The following ARHGAP19 variants were observed in gnomAD, a reference collection of about 807,000 sequenced individuals.
ARHGAP19 encodes rho GTPase-activating protein 19.
A neutral mutation model predicts 60.9 loss-of-function variants in ARHGAP19; 48 were observed. The ratio of observed to expected loss-of-function variants is 0.79; its 90% CI spans 0.62 to 1.00. The LOEUF (loss-of-function observed/expected upper bound fraction) is 1.00, where lower values mean the gene tolerates loss of function less well. Among genes scored for constraint, ARHGAP19 ranks in the 50% least tolerant of loss-of-function variants. The pLI is 0.00. For missense variants in ARHGAP19, 562 were observed against 597.2 expected (o/e 0.94, Z 0.61); for synonymous variants, 209 against 215.5 (o/e 0.97, Z 0.27).
rs981042995 is a variant in ARHGAP19, at chr10:97,292,611, T to C, written c.17A>G (p.Gln6Arg). 6 of 1,614,224 alleles carry C rather than the reference T, an allele frequency of 3.7e-6. No individual in the cohort carries two copies. Among genetic ancestry groups the C allele is most frequent in the African/African-American group, 1.3e-5 (1 of 75,068 alleles). ...GCGGGCTGGCACCTCCCCTTCACTC[T>C]GTGCCTCAGTCGCCATCTTCGTCAG... MATEA[Q>R]SEGEVPARES... Residue 6 changes from glutamine to arginine, a missense_variant, in exon 1 of 12, where the codon CAG becomes CGG. Coordinates refer to ENST00000358531, the MANE Select transcript of ARHGAP19 (RefSeq NM_032900.6).
intron 8 of ARHGAP19, among the ~76,000 whole-genome samples, chr10:97,239,550 GGGTGTGTGTGTGTGTGT>G (rs1842439857): frequency 0.012 from 1,341 of 115,018 alleles, 20 homozygotes; most frequent in East Asian, 0.024. Flanking sequence ...GAGAGAGAGA[GGGTGTGTGTGTGTGTGT>G]GTGTGTGTGT....
intron 1 of ARHGAP19, among the ~76,000 whole-genome samples, chr10:97,271,579 C>T (rs1464829417): frequency 6.6e-6 from 1 of 151,998 alleles, no homozygotes; most frequent in Non-Finnish European, 1.5e-5. Flanking sequence ...CTCAACTTTA[C>T]AAGTTATCAG....
intron 1 of ARHGAP19, among the ~76,000 whole-genome samples, chr10:97,282,139 G>T (rs911083345): frequency 6.6e-6 from 1 of 152,148 alleles, no homozygotes; most frequent in Non-Finnish European, 1.5e-5. Flanking sequence ...CTGTGAGCAT[G>T]TCATCCAAGC....
At chr10:97,290,091 G>A (rs371381817) in intron 1 of ARHGAP19, among the ~76,000 whole-genome samples, 3 of 151,516 alleles carry the variant, frequency 2.0e-5, no homozygotes, top group African/African-American at 4.8e-5. Context: ...TGGAAAACTC[G>A]GGCAACCCCC....
chr10:97,244,087 C>A lies in ARHGAP19; in HGVS notation c.1066G>T (p.Val356Leu), dbSNP rs781755482. ...QLAKSQKRNRVDSCPHQEETQ... is the reference protein window; with the variant it reads ...QLAKSQKRNRLDSCPHQEETQ... ...TCCTCCTGGTGAGGGCAGGAATCTA[C>A]CCGGTTCCGTTTCTGAGACTTTGCC... The change falls in exon 8 of 12, where the codon GTA becomes TTA. Residue 356 changes from valine to leucine, a missense_variant. Coordinates refer to ENST00000358531, the MANE Select transcript of ARHGAP19 (RefSeq NM_032900.6). 11 of 1,613,898 alleles carry A rather than the reference C, an allele frequency of 6.8e-6. No homozygotes were observed. Among genetic ancestry groups the A allele is most frequent in the Non-Finnish European group, 9.3e-6 (11 of 1,179,978 alleles).
intron 8 of ARHGAP19, among the ~76,000 whole-genome samples, chr10:97,239,019 A>C (rs911949277): frequency 3.3e-5 from 5 of 152,214 alleles, no homozygotes; most frequent in African/African-American, 9.7e-5. Flanking sequence ...CAGTACAGTA[A>C]CATCCTCTAC....
chr10:97,292,546 A>G, intron 1 of ARHGAP19, 26 bp downstream of exon 1: 3 of 1,614,062 alleles, frequency 1.9e-6, no homozygotes, highest in Non-Finnish European at 1.7e-6. Flanking sequence ...CGCGTTTCCC[A>G]GGAAACTGGA....
intron 1 of ARHGAP19, among the ~76,000 whole-genome samples, chr10:97,272,841 TG>T (rs1378167857): frequency 6.0e-5 from 9 of 150,786 alleles, no homozygotes; most frequent in African/African-American, 2.2e-4. Flanking sequence ...TTATGTTTGT[TG>T]TTTTTTTTTT....
chr10:97,289,546 G>T (rs1442027264), intron 1 of ARHGAP19, among the ~76,000 whole-genome samples: 3 of 152,116 alleles, frequency 2.0e-5, no homozygotes, highest in Admixed American at 1.3e-4. Context: ...ATACTATAAA[G>T]AAATTCAGGC....
intron 5 of ARHGAP19, among the ~76,000 whole-genome samples, chr10:97,256,808 G>A (rs1179666511): frequency 6.6e-6 from 1 of 152,126 alleles, no homozygotes; most frequent in Non-Finnish European, 1.5e-5. Context: ...GATACCAAAG[G>A]TGACATCTGT....
intron 4 of ARHGAP19, among the ~76,000 whole-genome samples, chr10:97,263,126 C>G (rs1842852912): frequency 6.6e-6 from 1 of 152,130 alleles, no homozygotes; most frequent in Non-Finnish European, 1.5e-5. Flanking sequence ...CTAAAATGTT[C>G]TACACACTAC....
At chr10:97,237,562 C>T (rs1171781962) in intron 8 of ARHGAP19, among the ~76,000 whole-genome samples, 1 of 152,072 alleles carries the variant, frequency 6.6e-6, no homozygotes, top group Non-Finnish European at 1.5e-5. Flanking sequence ...ATATACAGTA[C>T]ATAATTCTTG....
At chr10:97,258,245 G>T (rs1842782006) in intron 5 of ARHGAP19, among the ~76,000 whole-genome samples, 1 of 152,062 alleles carries the variant, frequency 6.6e-6, no homozygotes, top group Non-Finnish European at 1.5e-5. Context: ...AAGGTAAAAG[G>T]CCAGGCGCGG....
intron 8 of ARHGAP19, among the ~76,000 whole-genome samples, chr10:97,237,936 C>T (rs1842408240): frequency 6.6e-6 from 1 of 151,962 alleles, no homozygotes; most frequent in African/African-American, 2.4e-5. Flanking sequence ...ATTTACCATA[C>T]TATACTTTTA....
In ARHGAP19 at chr10:97,225,515, C is replaced by T. The variant is rs1850879420; in HGVS notation, c.*607G>A. 1 of 152,142 alleles carries T rather than the reference C, an allele frequency of 6.6e-6. No homozygotes were observed. Among genetic ancestry groups the T allele is most frequent in the Non-Finnish European group, 1.5e-5 (1 of 68,028 alleles). 9.4% of individuals were successfully genotyped at this position (152,142 alleles called of 1,614,324 possible). A position where few individuals can be genotyped will look rare whatever the true frequency, so the allele number is the denominator to read the frequency against. On this transcript the variant is annotated 3_prime_UTR_variant, in exon 12 of 12. Coordinates refer to ENST00000358531, the MANE Select transcript of ARHGAP19 (RefSeq NM_032900.6). ...AAATAATAAAAAATGTCCAGAAAAG[C>T]TATAAATTCTTTGGACACAAATTAG...
chr10:97,262,140 C>G (rs1462460950), intron 4 of ARHGAP19, among the ~76,000 whole-genome samples: 2 of 149,992 alleles, frequency 1.3e-5, no homozygotes, highest in Non-Finnish European at 3.0e-5. Context: ...TCACTTGAAG[C>G]CAGGAGTTTG....
chr10:97,235,802 T>C (rs1842364263), intron 8 of ARHGAP19, among the ~76,000 whole-genome samples: 1 of 152,186 alleles, frequency 6.6e-6, no homozygotes, highest in South Asian at 2.1e-4. Context: ...GAATGCAGAC[T>C]TGTCAATGCT....
intron 1 of ARHGAP19, chr10:97,278,091 T>C (rs372864907): frequency 3.9e-5 from 6 of 153,282 alleles, no homozygotes; most frequent in African/African-American, 1.4e-4. Context: ...AACAAACTTA[T>C]ACTCTGTAAG....
chr10:97,266,130 A>C lies in ARHGAP19; in HGVS notation c.57-5T>G. On this transcript the variant is annotated splice_region_variant and splice_polypyrimidine_tract_variant and intron_variant, in intron 1 of 11. Coordinates refer to ENST00000358531, the MANE Select transcript of ARHGAP19 (RefSeq NM_032900.6). ...ACAAAACTGCAGATGGCATCACTGA[A>C]AAACACAGAAGAAAATCTTTCGGGA... 1 of 1,613,066 alleles carries C rather than the reference A, an allele frequency of 6.2e-7. No individual in the cohort carries two copies. The highest frequency in any genetic ancestry group is 8.5e-7 in the Non-Finnish European group (1 of 1,179,412).
Sources: gnomAD v4.1 joint callset for allele counts (sites outside exome capture counted in the v4.1 genomes callset) on GRCh38, gnomAD v4.1.1 for gene constraint, MANE v1.5 for transcripts, NCBI Gene and HGNC (gene_info 2026-07-23, HGNC 2026-07-21) for gene names.